The following EML6 variants were observed in gnomAD, a reference collection of about 807,000 sequenced individuals.
EML6 encodes the protein EMAP like 6.
EML6 carries 154 observed loss-of-function variants against 240.1 expected under a neutral mutation model. That is an observed-to-expected ratio of 0.64 (90% confidence interval 0.56 to 0.73). The LOEUF is 0.73. Ranked by LOEUF, EML6 falls within the 30% of genes least tolerant of loss-of-function variation. EML6 has a pLI of 0.00. For missense variants in EML6, 2,964 were observed against 2,474.6 expected (o/e 1.20, Z -4.20); for synonymous variants, 1,148 against 899.0 (o/e 1.28, Z -4.95).
In EML6 at chr2:54,971,776, T is replaced by C. The variant is rs907296518; in HGVS notation, c.*1681T>C. The C allele has an allele frequency of 2.4e-4, 37 of 152,148 alleles. No homozygotes were observed. Among genetic ancestry groups the C allele is most frequent in the African/African-American group, 8.9e-4 (37 of 41,424 alleles). 9.4% of individuals were successfully genotyped at this position (152,148 alleles called of 1,614,324 possible). On this transcript the variant is annotated 3_prime_UTR_variant, in exon 42 of 42. Transcript: ENST00000356458. ...ATCGGATCTTGCATTGAAATAACCA[T>C]GTGGAAGAACAATGAATCGATTAAT...
chr2:54,940,392 C>G (rs1675368116), intron 28 of EML6, among the ~76,000 whole-genome samples: 1 of 152,040 alleles, frequency 6.6e-6, no homozygotes, highest in African/African-American at 2.4e-5. Context: ...GTTTTGGTTT[C>G]AACTCTAAAT....
At chr2:54,923,058 C>T (rs1674346119) in intron 26 of EML6, among the ~76,000 whole-genome samples, 2 of 150,744 alleles carry the variant, frequency 1.3e-5, no homozygotes, top group South Asian at 2.1e-4. Flanking sequence ...TCTCCTGCCT[C>T]AGCCCCCTGA....
chr2:54,954,093 A>C lies in EML6; in HGVS notation c.4423A>C (p.Lys1475Gln). Residue 1475 changes from lysine to glutamine, a missense_variant, in exon 32 of 42, where the codon AAG becomes CAG. Transcript: ENST00000356458. ...VNYINFSATG[K>Q]LLVSVGVDPE... ...TTACATCAACTTCAGTGCAACTGGAAAGCTCCTGGTGTCGGTGGGAGTGGA... is the reference window on the plus strand; with the variant it reads ...TTACATCAACTTCAGTGCAACTGGACAGCTCCTGGTGTCGGTGGGAGTGGA... 6.4e-7 allele frequency: 1 copy of C among 1,551,570 alleles called. No individual in the cohort carries two copies. The highest frequency in any genetic ancestry group is 8.7e-7 in the Non-Finnish European group (1 of 1,146,944).
chr2:54,940,504 T>C (rs1228582691), intron 28 of EML6, among the ~76,000 whole-genome samples: 3 of 152,220 alleles, frequency 2.0e-5, no homozygotes, highest in African/African-American at 7.2e-5. Context: ...AGTTCCCCAG[T>C]GGCTGGTACT....
At chr2:54,752,417 T>C (rs1282175510) in intron 2 of EML6, among the ~76,000 whole-genome samples, 1 of 152,168 alleles carries the variant, frequency 6.6e-6, no homozygotes, top group Non-Finnish European at 1.5e-5. Context: ...AAATAGAACA[T>C]TAATGCAGCC....
chr2:54,736,777 T>C (rs1234249217), intron 2 of EML6, among the ~76,000 whole-genome samples: 1 of 152,158 alleles, frequency 6.6e-6, no homozygotes, highest in Non-Finnish European at 1.5e-5. Context: ...GCCCTTTGCC[T>C]CCTCTCCCTA....
Position 54,970,342 on chromosome 2 carries a change from T to TAA in EML6, c.*249_*250dup. On this transcript the variant is annotated 3_prime_UTR_variant, in exon 42 of 42. Transcript: ENST00000356458. ...GACTGCTTGCCTCTGTTCCTGAGAC[T>TAA]AAACAGTATACATACTAACTACATT... 1 of 566,316 alleles carries TAA rather than the reference T, an allele frequency of 1.8e-6. No homozygotes were observed. The highest frequency in any genetic ancestry group is 3.0e-5 in the Admixed American group (1 of 33,158). 35.1% of individuals were successfully genotyped at this position (566,316 alleles called of 1,614,324 possible).
rs1206788536 is a variant in EML6, at chr2:54,928,352, G to A, written c.3715G>A (p.Ala1239Thr). ...ATTCAAGAAGTATGTGGGGCACAGT[G>A]CACATGTCACTAACGTGAGGTGGCT... ...ARFKKYVGHS[A>T]HVTNVRWLHN... is the part of the protein sequence containing the mutation. Residue 1239 changes from alanine (A) to threonine (T), a missense_variant, in exon 27 of 42, where the codon GCA (alanine) becomes ACA (threonine). Transcript: ENST00000356458. 3.2e-6 allele frequency: 5 copies of A among 1,552,132 alleles called. No homozygotes were observed. The highest frequency in any genetic ancestry group is 4.4e-6 in the Non-Finnish European group (5 of 1,147,106).
rs982494933 is a variant in EML6 at position 54,726,151 on chromosome 2, G to A, written c.197+893G>A. ...AGGGAATCCTTTTCAGCCTTCAGCA[G>A]TTAAGGAAGATTTTCGTCATATGGG... is the stretch of plus-strand genomic sequence containing the variant. On this transcript the variant is annotated intron_variant, in intron 2 of 41. Transcript: ENST00000356458. Among the ~76,000 whole-genome samples the A allele has an allele frequency of 2.0e-5, 3 of 152,236 alleles. No individual in the cohort carries two copies. In the East Asian group the frequency reaches 5.8e-4, roughly 29 times the overall value.
intron 3 of EML6, among the ~76,000 whole-genome samples, chr2:54,815,684 A>G (rs1052289612): frequency 3.3e-5 from 5 of 152,208 alleles, no homozygotes; most frequent in Admixed American, 3.3e-4. Flanking sequence ...TTAAGGACAC[A>G]TTAAAAAACC....
Position 54,813,350 on chromosome 2 carries a change from A to G in EML6, c.316A>G (p.Thr106Ala). 2 of 1,551,690 alleles carry G rather than the reference A, an allele frequency of 1.3e-6. No homozygotes were observed. Among genetic ancestry groups the G allele is most frequent in the Non-Finnish European group, 1.7e-6 (2 of 1,146,832 alleles). Residue 106 changes from threonine to alanine, a missense_variant, in exon 3 of 42, where the codon ACA (threonine) becomes GCA (alanine). Thr to Ala is a moderately conservative substitution (Grantham distance 58). Coordinates refer to ENST00000356458, the MANE Select transcript of EML6 (RefSeq NM_001039753.4). The part of the protein sequence containing the change: ...QTVSLLKDVH[T>A]HGVACLAFDS... ...TGTGTCTCTTCTTAAAGATGTCCAT[A>G]CACATGGAGTTGCCTGCCTGGCTTT... is the stretch of plus-strand genomic sequence containing the variant.
intron 15 of EML6, among the ~76,000 whole-genome samples, chr2:54,871,119 G>T (rs1380483839): frequency 1.3e-5 from 2 of 152,170 alleles, no homozygotes; most frequent in Non-Finnish European, 2.9e-5. Flanking sequence ...AAATAACTCT[G>T]GATAGCGTCA....
chr2:54,839,513 C>A (rs779196135), intron 7 of EML6, among the ~76,000 whole-genome samples: 12 of 152,212 alleles, frequency 7.9e-5, no homozygotes, highest in Non-Finnish European at 1.6e-4. Flanking sequence ...GTTCACAGCT[C>A]ATTAAGTTGA....
Position 54,895,349 on chromosome 2 carries a change from T to C in EML6, c.2931T>C (p.Asn977=). 1 of 1,552,012 alleles carries C rather than the reference T, an allele frequency of 6.4e-7. No homozygotes were observed. Among genetic ancestry groups the C allele is most frequent in the Non-Finnish European group, 8.7e-7 (1 of 1,146,982 alleles). Reference sequence around the variant, plus strand: ...GACATATCCTGGTGGGAACAAAAAATGGAGAGATTCTGGAAATTGATAAGA... The same window carrying C: ...GACATATCCTGGTGGGAACAAAAAACGGAGAGATTCTGGAAATTGATAAGA... ...GHGHILVGTK[N]GEILEIDKSG... Residue 977 remains asparagine, a synonymous_variant, in exon 21 of 42, where the codon AAT becomes AAC. Coordinates refer to ENST00000356458, the MANE Select transcript of EML6 (RefSeq NM_001039753.4).
chr2:54,954,223 G>A (rs1016848758), intron 32 of EML6, 67 bp downstream of exon 32: 2 of 1,413,490 alleles, frequency 1.4e-6, no homozygotes, highest in South Asian at 1.4e-5. Flanking sequence ...CTGTGGGCTC[G>A]AACCCAGATC....
intron 31 of EML6, among the ~76,000 whole-genome samples, chr2:54,953,639 T>C (rs1676090501): frequency 6.6e-6 from 1 of 152,152 alleles, no homozygotes; most frequent in Non-Finnish European, 1.5e-5. Context: ...ACATTTGTAA[T>C]CCCAGCACTT....
chr2:54,969,377 A>G (rs1216063350), intron 41 of EML6, among the ~76,000 whole-genome samples: 1 of 152,154 alleles, frequency 6.6e-6, no homozygotes, highest in African/African-American at 2.4e-5. Context: ...TTAGGTTGTA[A>G]GAAAGGCACC....
At chr2:54,731,044 G>T (rs1683142884) in intron 2 of EML6, among the ~76,000 whole-genome samples, 1 of 152,210 alleles carries the variant, frequency 6.6e-6, no homozygotes, top group Non-Finnish European at 1.5e-5. Flanking sequence ...AAGATTTCCA[G>T]AGCAGCTCTC....
At chr2:54,883,649 T>A (rs1480337949) in intron 17 of EML6, among the ~76,000 whole-genome samples, 1 of 152,194 alleles carries the variant, frequency 6.6e-6, no homozygotes, top group Non-Finnish European at 1.5e-5. Context: ...AGCAGCACAG[T>A]GTGTAAGTTC....
Sources: gnomAD v4.1 joint callset for allele counts (sites outside exome capture counted in the v4.1 genomes callset) on GRCh38, gnomAD v4.1.1 for gene constraint, MANE v1.5 for transcripts, NCBI Gene and HGNC (gene_info 2026-07-23, HGNC 2026-07-21) for gene names.